The following ASH1L variants were observed in gnomAD, a reference collection of about 807,000 sequenced individuals.
ASH1L encodes ASH1 like histone lysine methyltransferase, also known as histone-lysine N-methyltransferase ASH1L.
Under a neutral mutation model 269.0 loss-of-function variants are expected in ASH1L, and 23 were observed. That is an observed-to-expected ratio of 0.09 (90% CI 0.06 to 0.12). The LOEUF (loss-of-function observed/expected upper bound fraction) is 0.12. Ranked by LOEUF, ASH1L falls within the 10% of genes least tolerant of loss-of-function variation. The pLI is 1.00. For missense variants in ASH1L, 2,912 were observed against 3,567.8 expected, an observed-to-expected ratio of 0.82 and a Z score of 4.68; for synonymous variants, 1,187 against 1,253.5, an observed-to-expected ratio of 0.95 and a Z score of 1.12.
At chr1:155,507,248 C>A (rs1056408819) in intron 2 of ASH1L, among the ~76,000 whole-genome samples, 2 of 151,494 alleles carry the variant, frequency 1.3e-5, no homozygotes, top group Non-Finnish European at 2.9e-5. Context: ...CCATGGCACT[C>A]CAGCCTGGCC....
At chr1:155,476,755 G>T (rs1458515069) in intron 3 of ASH1L, among the ~76,000 whole-genome samples, 1 of 151,712 alleles carries the variant, frequency 6.6e-6, no homozygotes, top group Non-Finnish European at 1.5e-5. Context: ...GGGTTTCATC[G>T]TGTTAACCAG....
rs1570937729 is a variant in ASH1L at position 155,479,672 on chromosome 1, A to T, written c.3198T>A (p.Ser1066Arg). Residue 1066 changes from serine to arginine, a missense_variant, in exon 3 of 28, where the codon AGT becomes AGA. Physicochemically the swap from Ser to Arg is moderately radical, Grantham distance 110. This residue lies in a region of ASH1L where 157 missense variants were observed against 154.6 expected (regional missense o/e 1.02). Coordinates refer to ENST00000392403, the MANE Select transcript of ASH1L (RefSeq NM_018489.3). ...KTVLNGILSG[S>R]PTSLAVLEQT... Reference sequence around the variant, plus strand: ...GCTCAAGAACAGCAAGGCTAGTAGGACTACCAGAAAGAATACCATTTAAGA... The same window carrying T: ...GCTCAAGAACAGCAAGGCTAGTAGGTCTACCAGAAAGAATACCATTTAAGA... The T allele has an allele frequency of 4.3e-6, 7 of 1,614,238 alleles. No individual in the cohort carries two copies. The East Asian group carries it at 1.6e-4, about 36-fold the overall frequency.
intron 5 of ASH1L, among the ~76,000 whole-genome samples, chr1:155,429,490 C>A (rs943384368): frequency 4.0e-5 from 6 of 151,846 alleles, no homozygotes; most frequent in African/African-American, 1.5e-4. Context: ...TCTCAAACTC[C>A]TGGGTTCAAG....
chr1:155,424,114 C>T (rs1157630861), intron 5 of ASH1L, among the ~76,000 whole-genome samples: 2 of 152,164 alleles, frequency 1.3e-5, no homozygotes, highest in Non-Finnish European at 2.9e-5. Flanking sequence ...TCTTGTAATG[C>T]CATGACTTTT....
intron 2 of ASH1L, among the ~76,000 whole-genome samples, chr1:155,497,429 C>T (rs1256226950): frequency 6.6e-6 from 1 of 152,218 alleles, no homozygotes; most frequent in Non-Finnish European, 1.5e-5. Flanking sequence ...ACTCTTCCTC[C>T]TTGGCCTATT....
chr1:155,536,384 T>A (rs1267413061), intron 1 of ASH1L, among the ~76,000 whole-genome samples: 2 of 152,212 alleles, frequency 1.3e-5, no homozygotes, highest in East Asian at 3.8e-4. Context: ...ATGATCTGAC[T>A]CAGGCCTTGA....
intron 5 of ASH1L, among the ~76,000 whole-genome samples, chr1:155,436,181 T>C (rs1291381762): frequency 6.6e-6 from 1 of 152,172 alleles, no homozygotes; most frequent in African/African-American, 2.4e-5. Context: ...TACAGTTTTA[T>C]TTTTATTTAT....
At chr1:155,559,837 T>C (rs1484999484) in intron 1 of ASH1L, among the ~76,000 whole-genome samples, 1 of 152,102 alleles carries the variant, frequency 6.6e-6, no homozygotes, top group East Asian at 1.9e-4. Context: ...ATAACTAAGC[T>C]AAACTCCAAG....
At chr1:155,516,580 G>C (rs990048637) in intron 2 of ASH1L, among the ~76,000 whole-genome samples, 3 of 152,080 alleles carry the variant, frequency 2.0e-5, no homozygotes, top group African/African-American at 7.2e-5. Context: ...AATCATTGAG[G>C]TCAGAAGTTC....
At chr1:155,358,859 T>C (rs1436256365) in intron 13 of ASH1L, 1 of 152,098 alleles carries the variant, frequency 6.6e-6, no homozygotes, top group Non-Finnish European at 1.5e-5. Flanking sequence ...CTCAGGTCTG[T>C]AGTCCCAGCA....
At chr1:155,541,645 T>G (rs1454673179) in intron 1 of ASH1L, among the ~76,000 whole-genome samples, 1 of 152,168 alleles carries the variant, frequency 6.6e-6, no homozygotes, top group African/African-American at 2.4e-5. Flanking sequence ...TTTCTAACTC[T>G]CAAAGTACTG....
intron 27 of ASH1L, 49 bp from the exon 28 acceptor site, chr1:155,337,800 T>C (rs1558008520): frequency 1.3e-6 from 2 of 1,524,480 alleles, no homozygotes; most frequent in Non-Finnish European, 1.8e-6. Flanking sequence ...CTCCTACTCC[T>C]TATTCCAGAT....
chr1:155,356,683 T>A (rs1223094627), intron 15 of ASH1L, among the ~76,000 whole-genome samples: 1 of 151,240 alleles, frequency 6.6e-6, no homozygotes, highest in African/African-American at 2.4e-5. Flanking sequence ...GGTCTTTCCA[T>A]GTTGCCGAAG....
At position 155,522,592 on chromosome 1, in the gene ASH1L, A is replaced by G. The variant is rs151141891; in HGVS notation, c.-99-974T>C. On this transcript the variant is annotated intron_variant, in intron 1 of 27. Transcript: ENST00000392403. ...TTTATTATTTTACAATAGGTGATAC[A>G]CCTAATCTCAGAATCTCCACAAAGC... Among the ~76,000 whole-genome samples, 210 of 152,262 alleles carry G rather than the reference A, an allele frequency of 1.4e-3. 1 individual carries two copies. The highest frequency in any genetic ancestry group is 4.9e-3 in the African/African-American group (202 of 41,554).
chr1:155,525,587 G>A (rs1669196454), intron 1 of ASH1L, among the ~76,000 whole-genome samples: 1 of 151,254 alleles, frequency 6.6e-6, no homozygotes. Context: ...AGAAAAACGT[G>A]TAACACTTGC....
At chr1:155,550,911 C>T (rs1375893172) in intron 1 of ASH1L, among the ~76,000 whole-genome samples, 1 of 152,122 alleles carries the variant, frequency 6.6e-6, no homozygotes, top group Non-Finnish European at 1.5e-5. Context: ...GCAGCCTCGA[C>T]CTCCTGGGCT....
chr1:155,421,311 C>A (rs1490539653), intron 5 of ASH1L, among the ~76,000 whole-genome samples: 1 of 138,234 alleles, frequency 7.2e-6, no homozygotes, highest in Non-Finnish European at 1.5e-5. Flanking sequence ...ATCTCAAGTA[C>A]CAACAGTTTT....
At chr1:155,437,274 T>C (rs1041438490) in intron 5 of ASH1L, among the ~76,000 whole-genome samples, 2 of 151,992 alleles carry the variant, frequency 1.3e-5, no homozygotes, top group Non-Finnish European at 2.9e-5. Context: ...AATAGCCCAA[T>C]CAAAAAATTG....
intron 5 of ASH1L, among the ~76,000 whole-genome samples, chr1:155,421,426 A>G (rs989188028): frequency 6.7e-6 from 1 of 149,094 alleles, no homozygotes; most frequent in African/African-American, 2.5e-5. Context: ...TAATTCCAGC[A>G]CTTTGGGAGG....
Sources: allele counts gnomAD v4.1 joint callset (sites outside exome capture counted in the v4.1 genomes callset), GRCh38; gene constraint gnomAD v4.1.1; regional missense constraint gnomAD v4.1.1; transcripts MANE v1.5; gene names NCBI Gene and HGNC (gene_info 2026-07-23, HGNC 2026-07-21).